Variants in CHIC2 observed in about 807,000 individuals in gnomAD.
CHIC2 encodes the protein cysteine-rich hydrophobic domain-containing protein 2.
A neutral mutation model predicts 25.9 loss-of-function variants in CHIC2; 14 were observed. The ratio of observed to expected loss-of-function variants is 0.54; its 90% CI spans 0.36 to 0.85. The LOEUF (loss-of-function observed/expected upper bound fraction) is 0.85, where lower values mean the gene tolerates loss of function less well. Among genes scored for constraint, CHIC2 ranks in the 40% least tolerant of loss-of-function variants. The pLI is 0.01. For missense variants in CHIC2, 146 were observed against 202.0 expected (o/e 0.72, Z 1.68); for synonymous variants, 70 against 72.0 (o/e 0.97, Z 0.14).
intron 3 of CHIC2, among the ~76,000 whole-genome samples, chr4:54,028,514 AATTG>A (rs1267382402): frequency 6.6e-6 from 1 of 152,206 alleles, no homozygotes; most frequent in Non-Finnish European, 1.5e-5. Flanking sequence ...AGTACATGTA[AATTG>A]ATTAACTCCA....
the CHIC2 span, among the ~76,000 whole-genome samples, chr4:54,072,900 G>A: frequency 6.6e-6 from 1 of 152,088 alleles, no homozygotes; most frequent in Non-Finnish European, 1.5e-5. Context: ...GTGAAACCCC[G>A]TGTCTACTAA....
chr4:54,066,929 GC>G (rs1352936318), upstream of CHIC2, among the ~76,000 whole-genome samples: 5 of 152,332 alleles, frequency 3.3e-5, no homozygotes, highest in African/African-American at 1.2e-4. Flanking sequence ...AAGATAAGGG[GC>G]TAGTGCCCCA....
chr4:54,036,258 C>T (rs1195101370), intron 3 of CHIC2, among the ~76,000 whole-genome samples: 1 of 152,140 alleles, frequency 6.6e-6, no homozygotes, highest in Non-Finnish European at 1.5e-5. Context: ...TATCAGTTAT[C>T]AAGACAGTGG....
intron 1 of CHIC2, among the ~76,000 whole-genome samples, chr4:54,051,217 C>T (rs909346260): frequency 6.6e-6 from 1 of 151,980 alleles, no homozygotes; most frequent in Admixed American, 6.6e-5. Flanking sequence ...TCCTTATTTG[C>T]CAGAACTACA....
At chr4:54,067,798 A>G (rs994132329), upstream of CHIC2, among the ~76,000 whole-genome samples, 1 of 152,146 alleles carries the variant, frequency 6.6e-6, no homozygotes, top group Non-Finnish European at 1.5e-5. Context: ...TCTACCTAGC[A>G]GAGTGGCCAT....
the CHIC2 span, among the ~76,000 whole-genome samples, chr4:54,083,800 A>T: frequency 4.3e-4 from 66 of 152,276 alleles, no homozygotes; most frequent in Non-Finnish European, 8.8e-4. Flanking sequence ...TAATCATTTC[A>T]ATTTTCTGCT....
intron 3 of CHIC2, among the ~76,000 whole-genome samples, chr4:54,027,882 T>C (rs1716110170): frequency 6.6e-6 from 1 of 152,176 alleles, no homozygotes; most frequent in African/African-American, 2.4e-5. Context: ...TAAATAACTT[T>C]TCAAAGACAG....
intron 1 of CHIC2, among the ~76,000 whole-genome samples, chr4:54,049,969 T>C (rs767933246): frequency 3.9e-5 from 6 of 152,140 alleles, no homozygotes; most frequent in Non-Finnish European, 7.4e-5. Flanking sequence ...TCCATGGCTT[T>C]AGAATTGATA....
chr4:54,053,733 T>A (rs1051673978), intron 1 of CHIC2, among the ~76,000 whole-genome samples: 1 of 152,200 alleles, frequency 6.6e-6, no homozygotes, highest in East Asian at 1.9e-4. Flanking sequence ...TGTTTTTTTT[T>A]AAATAAGAGC....
the CHIC2 span, among the ~76,000 whole-genome samples, chr4:54,085,193 A>C: frequency 0.018 from 2,807 of 152,264 alleles, 98 homozygotes; most frequent in African/African-American, 0.063. Context: ...TTATCTTTAA[A>C]AACCTGTTCA....
chr4:54,050,907 T>C (rs1256627919), intron 1 of CHIC2, among the ~76,000 whole-genome samples: 1 of 151,942 alleles, frequency 6.6e-6, no homozygotes, highest in Admixed American at 6.6e-5. Flanking sequence ...AAAAACCCTG[T>C]TGAAATGCCA....
At chr4:54,014,036 TAC>T in intron 4 of CHIC2, 25 bp downstream of exon 4, 1 of 1,611,710 alleles carries the variant, frequency 6.2e-7, no homozygotes, top group South Asian at 1.1e-5. Context: ...ACCCCAACAG[TAC>T]GAAGCTGCTC....
intron 3 of CHIC2, among the ~76,000 whole-genome samples, chr4:54,047,591 T>C (rs113327779): frequency 0.025 from 3,550 of 143,738 alleles, 138 homozygotes; most frequent in African/African-American, 0.086. Context: ...TAGGTGGGAA[T>C]TGAACAATGA....
At chr4:54,029,478 T>C (rs7671565) in intron 3 of CHIC2, among the ~76,000 whole-genome samples, 8,985 of 152,246 alleles carry the variant, frequency 0.059, 895 homozygotes, top group African/African-American at 0.2. Flanking sequence ...TCTAAAAAAA[T>C]AGCATTGATT....
At chr4:54,037,548 A>G (rs574634347) in intron 3 of CHIC2, among the ~76,000 whole-genome samples, 1 of 152,318 alleles carries the variant, frequency 6.6e-6, no homozygotes, top group East Asian at 1.9e-4. Flanking sequence ...AAACTCATCA[A>G]ATAATATACT....
chr4:54,046,790 C>T (rs933973089), intron 3 of CHIC2, among the ~76,000 whole-genome samples: 481 of 152,244 alleles, frequency 3.2e-3, no homozygotes, highest in Non-Finnish European at 5.2e-3. Context: ...AAAGTCAAAA[C>T]TGACAAATGG....
chr4:54,068,157 A>G (rs1300892103), upstream of CHIC2, among the ~76,000 whole-genome samples: 1 of 152,158 alleles, frequency 6.6e-6, no homozygotes, highest in East Asian at 1.9e-4. Context: ...GAACCAAATC[A>G]TCAGGAACTG....
chr4:54,082,650 C>A, the CHIC2 span, among the ~76,000 whole-genome samples: 1 of 151,540 alleles, frequency 6.6e-6, no homozygotes, highest in Admixed American at 6.6e-5. Flanking sequence ...GTTTCTAAAT[C>A]CAATCCCATA....
chr4:54,043,229 G>A (rs1184662257), intron 3 of CHIC2, among the ~76,000 whole-genome samples: 2 of 152,082 alleles, frequency 1.3e-5, no homozygotes, highest in African/African-American at 4.8e-5. Flanking sequence ...AGACCATCCT[G>A]CCTAACACAG....
Sources: gnomAD v4.1 joint callset for allele counts (sites outside exome capture counted in the v4.1 genomes callset) on GRCh38, gnomAD v4.1.1 for gene constraint, MANE v1.5 for transcripts, NCBI Gene and HGNC (gene_info 2026-07-23, HGNC 2026-07-21) for gene names.